Variants in SHKBP1 observed in about 807,000 individuals in gnomAD.
SHKBP1 encodes the protein SH3KBP1 binding protein 1, also known as SH3KBP1-binding protein 1.
Under a neutral mutation model 83.9 loss-of-function variants are expected in SHKBP1, and 71 were observed. The observed-to-expected ratio is 0.85, with a 90% CI of 0.70 to 1.03. The LOEUF is 1.03. Ranked by LOEUF, SHKBP1 falls within the 50% of genes least tolerant of loss-of-function variation. SHKBP1 has a pLI of 0.00. For missense variants in SHKBP1, 824 were observed against 982.4 expected (o/e 0.84, Z 2.16); for synonymous variants, 371 against 398.0 (o/e 0.93, Z 0.81).
At position 40,589,148 on chromosome 19, in the gene SHKBP1, T is replaced by C. The variant is rs776664094; in HGVS notation, c.1559T>C (p.Leu520Pro). The change falls in exon 15 of 18, where the codon CTC (leucine) becomes CCC (proline). Residue 520 changes from leucine (L) to proline (P), a missense_variant. This residue lies in a region of SHKBP1 where 287 missense variants were observed against 322.9 expected (regional missense o/e 0.89). Coordinates refer to ENST00000291842, the MANE Select transcript of SHKBP1 (RefSeq NM_138392.4). ...IQKVVPSASQ[L>P]FVRLSSTGQR... is the part of the protein sequence containing the mutation. ...AAGGTGGTGCCCAGTGCCAGCCAGCTCTTCGTGCGTCTCTCATCTACTGGG... is the reference window on the plus strand; with the variant it reads ...AAGGTGGTGCCCAGTGCCAGCCAGCCCTTCGTGCGTCTCTCATCTACTGGG... 6.2e-7 allele frequency: 1 copy of C among 1,613,200 alleles called. No homozygotes were observed. Among genetic ancestry groups the C allele is most frequent in the Non-Finnish European group, 8.5e-7 (1 of 1,179,898 alleles).
intron 9 of SHKBP1, among the ~76,000 whole-genome samples, 187 bp from the exon 10 acceptor site, chr19:40,582,164 C>T (rs889902703): frequency 1.1e-4 from 16 of 152,066 alleles, no homozygotes; most frequent in Non-Finnish European, 1.6e-4. Context: ...TCAAATGATC[C>T]GCCCACCTGA....
Position 40,578,613 on chromosome 19 carries a change from T to C in SHKBP1, c.400+71T>C, listed in dbSNP as rs1452481240. On this transcript the variant is annotated intron_variant, in intron 6 of 17. Coordinates refer to ENST00000291842, the MANE Select transcript of SHKBP1 (RefSeq NM_138392.4). ...ACTACATTTCCCATAAGGCTGCAGC[T>C]CTCGGGTGCCTGTGCTGTGCGTCCT... 1.6e-5 allele frequency: 23 copies of C among 1,403,402 alleles called. No homozygotes were observed. In the East Asian group the frequency reaches 4.8e-4, roughly 29 times the overall value. 86.9% of individuals were successfully genotyped at this position (1,403,402 alleles called of 1,614,324 possible).
Position 40,590,564 on chromosome 19 carries a change from C to A in SHKBP1, c.1768+142C>A, listed in dbSNP as rs916433409. ...TTGACCCCCTCTCTGCTCCCCATCC[C>A]TTCCTGCCCTTGTTTTTCAACCCCT... On this transcript the variant is annotated intron_variant, in intron 16 of 17. Coordinates refer to ENST00000291842, the MANE Select transcript of SHKBP1 (RefSeq NM_138392.4). This position sits in a 1 kb window ranked among gnomAD's most constrained non-coding sequence, Gnocchi z 4.6. 1.2e-5 allele frequency: 15 copies of A among 1,269,008 alleles called. No individual in the cohort carries two copies. Among genetic ancestry groups the A allele is most frequent in the Non-Finnish European group, 1.6e-5 (15 of 914,176 alleles). The allele number at this position is 1,269,008 out of a possible 1,614,324, so 78.6% of individuals were successfully genotyped here.
intron 13 of SHKBP1, among the ~76,000 whole-genome samples, chr19:40,587,746 T>A (rs777200128): frequency 2.0e-5 from 3 of 152,034 alleles, no homozygotes; most frequent in Non-Finnish European, 4.4e-5. Flanking sequence ...ACAAAAAATT[T>A]TTAAAAAATT....
chr19:40,576,937 G>C lies in SHKBP1; in HGVS notation c.38G>C (p.Ser13Thr), dbSNP rs994156380. The C allele has an allele frequency of 5.4e-6, 8 of 1,495,274 alleles. No individual in the cohort carries two copies. The African/African-American group carries it at 9.9e-5, about 19-fold the overall frequency. 92.6% of individuals were successfully genotyped at this position (1,495,274 alleles called of 1,614,324 possible). Reference protein sequence around the residue: ...AAATAAEGVPSRGPPGEVIHL... With the variant: ...AAATAAEGVPTRGPPGEVIHL... ...GCTACTGCAGCCGAGGGGGTCCCCAGTCGGGGGCCTCCCGGGGAAGTCATT... is the reference window on the plus strand; with the variant it reads ...GCTACTGCAGCCGAGGGGGTCCCCACTCGGGGGCCTCCCGGGGAAGTCATT... The change falls in exon 1 of 18, where the codon AGT becomes ACT. Residue 13 changes from serine (S) to threonine (T), a missense_variant. Around this residue, in one of 3 missense-constraint regions of SHKBP1, gnomAD observed 355 missense variants for 386.4 expected, o/e 0.92. Transcript: ENST00000291842.
chr19:40,581,067 T>C (rs2081266126), intron 9 of SHKBP1, 131 bp downstream of exon 9: 1 of 893,886 alleles, frequency 1.1e-6, no homozygotes, highest in Admixed American at 3.3e-5. Context: ...GTCATTAGAA[T>C]GCTCCAGCCC....
At chr19:40,578,355 C>A in intron 5 of SHKBP1, 107 bp from the exon 6 acceptor site, 1 of 1,472,458 alleles carries the variant, frequency 6.8e-7, no homozygotes, top group Non-Finnish European at 9.5e-7. Context: ...GGTCTGTATT[C>A]GTACTGGGAG....
chr19:40,590,551 C>T lies in SHKBP1; in HGVS notation c.1768+129C>T. ...GACCCCTTTTCCTTTGACCCCCTCT[C>T]TGCTCCCCATCCCTTCCTGCCCTTG... On this transcript the variant is annotated intron_variant, in intron 16 of 17. Coordinates refer to ENST00000291842, the MANE Select transcript of SHKBP1 (RefSeq NM_138392.4). The surrounding 1 kb of genome is among the most constrained non-coding windows in gnomAD (Gnocchi z 4.6). The T allele has an allele frequency of 3.9e-6, 5 of 1,280,126 alleles. No individual in the cohort carries two copies. The highest frequency in any genetic ancestry group is 5.4e-6 in the Non-Finnish European group (5 of 924,096). 79.3% of individuals were successfully genotyped at this position (1,280,126 alleles called of 1,614,324 possible).
chr19:40,585,238 C>T (rs558316730), intron 12 of SHKBP1, among the ~76,000 whole-genome samples: 2 of 152,166 alleles, frequency 1.3e-5, no homozygotes, highest in South Asian at 4.1e-4. Flanking sequence ...TCCTGAACAG[C>T]AGAACCACAG....
At chr19:40,583,813 G>A in intron 12 of SHKBP1, 96 bp downstream of exon 12, 1 of 877,874 alleles carries the variant, frequency 1.1e-6, no homozygotes, top group Non-Finnish European at 1.9e-6. Flanking sequence ...ACCCAGAGGG[G>A]TTTATCGAGG....
Position 40,590,520 on chromosome 19 carries a change from C to A in SHKBP1, c.1768+98C>A. On this transcript the variant is annotated intron_variant, in intron 16 of 17. Coordinates refer to ENST00000291842, the MANE Select transcript of SHKBP1 (RefSeq NM_138392.4). This position sits in a 1 kb window ranked among gnomAD's most constrained non-coding sequence, Gnocchi z 4.6. ...GCTTGATCTCTCTCCCAGGCCCTTG[C>A]CCTCTGACCCCTTTTCCTTTGACCC... is the stretch of plus-strand genomic sequence containing the variant. 1 of 1,393,672 alleles carries A rather than the reference C, an allele frequency of 7.2e-7. No homozygotes were observed. The highest frequency in any genetic ancestry group is 9.8e-7 in the Non-Finnish European group (1 of 1,024,054). The allele number at this position is 1,393,672 out of a possible 1,614,324, so 86.3% of individuals were successfully genotyped here.
intron 10 of SHKBP1, 63 bp from the exon 11 acceptor site, chr19:40,583,335 G>A: frequency 7.2e-7 from 1 of 1,388,640 alleles, no homozygotes; most frequent in Non-Finnish European, 9.8e-7. Flanking sequence ...TCTGTGAGGG[G>A]TCACCACGGA....
intron 4 of SHKBP1, 184 bp from the exon 5 acceptor site, chr19:40,577,948 TACACACACACACACACACACAC>T (rs58880858): frequency 2.8e-5 from 16 of 567,560 alleles, no homozygotes; most frequent in East Asian, 1.4e-4. Flanking sequence ...GATTTCTCCC[TACACACACACACACACACACAC>T]ACACACACAC....
At chr19:40,579,220 C>A (rs915061063) in intron 6 of SHKBP1, among the ~76,000 whole-genome samples, 4 of 152,084 alleles carry the variant, frequency 2.6e-5, no homozygotes, top group Admixed American at 2.0e-4. Flanking sequence ...TCAAGCCATC[C>A]TTCCACCTCA....
rs1468772222 is a variant in SHKBP1 at position 40,590,703 on chromosome 19, C to G, written c.1769-27C>G. 1.3e-6 allele frequency: 2 copies of G among 1,558,668 alleles called. No homozygotes were observed. Among genetic ancestry groups the G allele is most frequent in the Non-Finnish European group, 1.7e-6 (2 of 1,147,700 alleles). ...CTTGCCCTATGACCCCTGTCTTGCC[C>G]CCTGACCCTGCTTCCGTGCCCCCCA... On this transcript the variant is annotated intron_variant, in intron 16 of 17. Coordinates refer to ENST00000291842, the MANE Select transcript of SHKBP1 (RefSeq NM_138392.4). This position sits in a 1 kb window ranked among gnomAD's most constrained non-coding sequence, Gnocchi z 4.6.
chr19:40,585,852 CACTT>C (rs1312610041), intron 12 of SHKBP1: 4 of 152,126 alleles, frequency 2.6e-5, no homozygotes, highest in African/African-American at 7.2e-5. Flanking sequence ...TTTCTTATTT[CACTT>C]ACTTACTCAT....
chr19:40,590,546 C>G lies in SHKBP1; in HGVS notation c.1768+124C>G. The stretch of plus-strand genomic sequence containing the variant: ...CCTCTGACCCCTTTTCCTTTGACCC[C>G]CTCTCTGCTCCCCATCCCTTCCTGC... On this transcript the variant is annotated intron_variant, in intron 16 of 17. Coordinates refer to ENST00000291842, the MANE Select transcript of SHKBP1 (RefSeq NM_138392.4). The surrounding 1 kb of genome is among the most constrained non-coding windows in gnomAD (Gnocchi z 4.6). The G allele has an allele frequency of 7.8e-7, 1 of 1,281,024 alleles. No homozygotes were observed. Among genetic ancestry groups the G allele is most frequent in the South Asian group, 1.4e-5 (1 of 70,454 alleles). 79.4% of individuals were successfully genotyped at this position (1,281,024 alleles called of 1,614,324 possible). A position where few individuals can be genotyped will look rare whatever the true frequency, so the allele number is the denominator to read the frequency against.
At position 40,590,474 on chromosome 19, in the gene SHKBP1, A is replaced by T. The variant is rs1391148873; in HGVS notation, c.1768+52A>T. The T allele has an allele frequency of 6.5e-7, 1 of 1,547,164 alleles. No homozygotes were observed. Among genetic ancestry groups the T allele is most frequent in the African/African-American group, 1.4e-5 (1 of 73,278 alleles). On this transcript the variant is annotated intron_variant, in intron 16 of 17. Transcript: ENST00000291842. The surrounding 1 kb of genome is among the most constrained non-coding windows in gnomAD (Gnocchi z 4.6). ...TCCCAAGCCCCACAGCCTCACCCAGAACCACTCTCCACTGCCAACTGCTTG... is the reference window on the plus strand; with the variant it reads ...TCCCAAGCCCCACAGCCTCACCCAGTACCACTCTCCACTGCCAACTGCTTG...
At position 40,590,294 on chromosome 19, in the gene SHKBP1, T is replaced by C. The variant is rs370006868; in HGVS notation, c.1640T>C (p.Val547Ala). 140 of 1,608,422 alleles carry C rather than the reference T, an allele frequency of 8.7e-5. No homozygotes were observed. In the South Asian group the frequency reaches 9.3e-4, roughly 11 times the overall value. ...GGCTCACCCACGACAGCCTTCACAG[T>C]GCTGGAGTGCGAGGGCTCCCGGCGG... ...VDGSPTTAFT[V>A]LECEGSRRLG... The change falls in exon 16 of 18, where the codon GTG becomes GCG. Residue 547 changes from valine to alanine, a missense_variant. Transcript: ENST00000291842. The surrounding 1 kb of genome is among the most constrained non-coding windows in gnomAD (Gnocchi z 4.6).
Sources: allele counts gnomAD v4.1 joint callset (sites outside exome capture counted in the v4.1 genomes callset), GRCh38; gene constraint gnomAD v4.1.1; regional missense constraint gnomAD v4.1.1; non-coding constraint Gnocchi (gnomAD v3.1); transcripts MANE v1.5; gene names NCBI Gene and HGNC (gene_info 2026-07-23, HGNC 2026-07-21).